Variants in CAD observed in about 807,000 individuals in gnomAD.
The protein encoded by CAD is multifunctional protein CAD.
In CAD, 81 loss-of-function variants were observed where a neutral mutation model predicts 237.2. The observed-to-expected ratio is 0.34, with a 90% CI of 0.29 to 0.41. The LOEUF is 0.41. Among genes scored for constraint, CAD ranks in the 10% least tolerant of loss-of-function variants. The pLI is 1.00. For missense variants in CAD, 2,181 were observed against 2,951.7 expected (o/e 0.74, Z 6.05); for synonymous variants, 1,196 against 1,162.8 (o/e 1.03, Z -0.58).
chr2:27,239,589 G>T lies in CAD; in HGVS notation c.5395-108G>T. On this transcript the variant is annotated intron_variant, in intron 33 of 43. Transcript: ENST00000264705. This position sits in a 1 kb window ranked among gnomAD's most constrained non-coding sequence, Gnocchi z 4.0. ...TGTGCACCACTGCCCTGGACCAGGG[G>T]TTGGGGGCACAGCTCCCCCAAGGTG... 6 of 1,502,976 alleles carry T rather than the reference G, an allele frequency of 4.0e-6. No homozygotes were observed. Among genetic ancestry groups the T allele is most frequent in the Non-Finnish European group, 5.5e-6 (6 of 1,094,824 alleles). The allele number at this position is 1,502,976 out of a possible 1,614,324, so 93.1% of individuals were successfully genotyped here.
At position 27,242,467 on chromosome 2, in the gene CAD, G is replaced by C. The variant is rs761440010; in HGVS notation, c.6222+40G>C. 1.2e-6 allele frequency: 2 copies of C among 1,600,668 alleles called. No individual in the cohort carries two copies. Among genetic ancestry groups the C allele is most frequent in the Non-Finnish European group, 1.7e-6 (2 of 1,171,184 alleles). ...AGGGTTTGGATCCCTGCCAGGGGACGATCTAGAGAGGGAGGCAGGAAGTGG... is the reference window on the plus strand; with the variant it reads ...AGGGTTTGGATCCCTGCCAGGGGACCATCTAGAGAGGGAGGCAGGAAGTGG... On this transcript the variant is annotated intron_variant, in intron 40 of 43. Transcript: ENST00000264705. This position sits in a 1 kb window ranked among gnomAD's most constrained non-coding sequence, Gnocchi z 6.4.
intron 11 of CAD, 65 bp downstream of exon 11, chr2:27,225,308 T>TTTC (rs1675384730): frequency 2.2e-6 from 2 of 905,834 alleles, no homozygotes; most frequent in Non-Finnish European, 3.2e-6. Flanking sequence ...ATTTTCTTTT[T>TTTC]TTTTTTTTTT....
In CAD at chr2:27,234,209, C is replaced by T; in HGVS notation, c.3601C>T (p.Leu1201=). 1.2e-6 allele frequency: 2 copies of T among 1,614,122 alleles called. No individual in the cohort carries two copies. The highest frequency in any genetic ancestry group is 1.7e-6 in the Non-Finnish European group (2 of 1,179,942). The part of the protein sequence containing the change: ...QELQVTGPFN[L]QLIAKDDQLK... ...GCTACAGGTCACAGGACCCTTCAATCTGCAGCTCATTGCCAAGGTAATAAG... is the reference window on the plus strand; with the variant it reads ...GCTACAGGTCACAGGACCCTTCAATTTGCAGCTCATTGCCAAGGTAATAAG... The change falls in exon 22 of 44, where the codon CTG becomes TTG. Residue 1201 remains leucine (L), a synonymous_variant. Coordinates refer to ENST00000264705, the MANE Select transcript of CAD (RefSeq NM_004341.5).
Position 27,235,453 on chromosome 2 carries a change from G to A in CAD, c.3969+26G>A, listed in dbSNP as rs757288886. On this transcript the variant is annotated intron_variant, in intron 24 of 43. Transcript: ENST00000264705. The surrounding 1 kb of genome is among the most constrained non-coding windows in gnomAD (Gnocchi z 5.2). ...GTATCAGAATCCAGGAGGGCTTCCC[G>A]AGGGCCGTGGCTCCCTGGGCCAGGG... 15 of 1,607,996 alleles carry A rather than the reference G, an allele frequency of 9.3e-6. No homozygotes were observed. In the East Asian group the frequency reaches 1.1e-4, roughly 12 times the overall value.
At position 27,237,225 on chromosome 2, in the gene CAD, T is replaced by C. The variant is rs1558541049; in HGVS notation, c.4397-154T>C. On this transcript the variant is annotated intron_variant, in intron 27 of 43. Coordinates refer to ENST00000264705, the MANE Select transcript of CAD (RefSeq NM_004341.5). The surrounding 1 kb of genome is among the most constrained non-coding windows in gnomAD (Gnocchi z 4.0). ...TTTTAGTAGAGACGGGGTTTCACCA[T>C]GTTGGTCAGGTTGGTCTCGAACTCC... Among the ~76,000 whole-genome samples the C allele has an allele frequency of 6.6e-6, 1 of 152,094 alleles. No individual in the cohort carries two copies. The highest frequency in any genetic ancestry group is 1.9e-4 in the East Asian group (1 of 5,178).
In CAD at chr2:27,237,714, C is replaced by G; in HGVS notation, c.4564-4C>G. 6.2e-7 allele frequency: 1 copy of G among 1,611,228 alleles called. No homozygotes were observed. ...TGAGCCTTACCTCTGTGTATCCTCT[C>G]CAGCTGGCAGAGGCTGGCGCCCGGT... On this transcript the variant is annotated splice_polypyrimidine_tract_variant and splice_region_variant and intron_variant, in intron 28 of 43. Coordinates refer to ENST00000264705, the MANE Select transcript of CAD (RefSeq NM_004341.5). The surrounding 1 kb of genome is among the most constrained non-coding windows in gnomAD (Gnocchi z 4.0).
chr2:27,232,632 C>T lies in CAD; in HGVS notation c.2830C>T (p.Arg944Cys), dbSNP rs1675815614. 3 of 1,614,172 alleles carry T rather than the reference C, an allele frequency of 1.9e-6. No homozygotes were observed. The highest frequency in any genetic ancestry group is 1.7e-5 in the Admixed American group (1 of 60,030). ...HVLVLGSGVY[R>C]IGSSVEFDWC... ...CCTAGTCCTTGGCTCTGGCGTCTAC[C>T]GTATTGGCTCTAGCGTTGAATTTGA... The change falls in exon 18 of 44, where the codon CGT (arginine) becomes TGT (cysteine). Residue 944 changes from arginine (R) to cysteine (C), a missense_variant. Transcript: ENST00000264705. This position sits in a 1 kb window ranked among gnomAD's most constrained non-coding sequence, Gnocchi z 4.1.
intron 2 of CAD, among the ~76,000 whole-genome samples, chr2:27,218,624 C>T (rs1558525037): frequency 6.6e-6 from 1 of 152,128 alleles, no homozygotes; most frequent in Admixed American, 6.5e-5. Context: ...GACATGGCCT[C>T]GTCTGATTCT....
Position 27,234,625 on chromosome 2 carries a change from C to G in CAD, c.3726C>G (p.Ile1242Met), listed in dbSNP as rs773059833. 1 of 1,614,070 alleles carries G rather than the reference C, an allele frequency of 6.2e-7. No homozygotes were observed. Among genetic ancestry groups the G allele is most frequent in the Non-Finnish European group, 8.5e-7 (1 of 1,179,964 alleles). The change falls in exon 23 of 44, where the codon ATC becomes ATG. Residue 1242 changes from isoleucine to methionine, a missense_variant. Ile to Met is a conservative substitution (Grantham distance 10). Transcript: ENST00000264705. Reference protein sequence around the residue: ...VDLVALATRVIMGEEVEPVGL... With the variant: ...VDLVALATRVMMGEEVEPVGL... ...TAGTAGCCTTGGCCACGCGGGTCAT[C>G]ATGGGGGAAGAAGTGGAACCTGTGG...
rs1676135808 is a variant in CAD, at chr2:27,238,514, T to C, written c.4944T>C (p.Asp1648=). The C allele has an allele frequency of 6.2e-7, 1 of 1,613,692 alleles. No individual in the cohort carries two copies. Among genetic ancestry groups the C allele is most frequent in the African/African-American group, 1.3e-5 (1 of 75,062 alleles). ...CCCACCACCTGTTCCTAAGCCATGA[T>C]GACCTGGAGCGCCTGGGGCCTGGGA... The part of the protein sequence containing the change: ...VAPHHLFLSH[D]DLERLGPGKG... Residue 1648 remains aspartate, a synonymous_variant, in exon 31 of 44, where the codon GAT becomes GAC. Transcript: ENST00000264705.
At position 27,220,219 on chromosome 2, in the gene CAD, ACATATT is replaced by A. The variant is rs1675088279; in HGVS notation, c.223-995_223-990del. Among the ~76,000 whole-genome samples, 3 of 152,216 alleles carry A rather than the reference ACATATT, an allele frequency of 2.0e-5. 1 individual carries two copies. Among genetic ancestry groups the A allele is most frequent in the Non-Finnish European group, 4.4e-5 (3 of 68,046 alleles). On this transcript the variant is annotated intron_variant, in intron 2 of 43. Coordinates refer to ENST00000264705, the MANE Select transcript of CAD (RefSeq NM_004341.5). The stretch of plus-strand genomic sequence containing the variant: ...TCTGTTTCGTGACAAAGACACAAAT[ACATATT>A]CATCATATGACGTAAATAGCAAGAG...
At position 27,243,609 on chromosome 2, in the gene CAD, C is replaced by G. The variant is rs1182919124; in HGVS notation, c.*91C>G. On this transcript the variant is annotated 3_prime_UTR_variant, in exon 44 of 44. Transcript: ENST00000264705. ...ACGGGGGCAGCACACTTAGATATTC[C>G]TGGACATCCAGATAGCTCACATGTG... is the stretch of plus-strand genomic sequence containing the variant. 4 of 975,810 alleles carry G rather than the reference C, an allele frequency of 4.1e-6. No homozygotes were observed. In the African/African-American group the frequency reaches 6.5e-5, roughly 16 times the overall value. 60.4% of individuals were successfully genotyped at this position (975,810 alleles called of 1,614,324 possible).
rs149723808 is a variant in CAD at position 27,237,017 on chromosome 2, A to ATT, written c.4396+208_4396+209dup. 7.1e-3 allele frequency among the ~76,000 whole-genome samples: 901 copies of ATT among 126,460 alleles called. 33 individuals carry two copies. The highest frequency in any genetic ancestry group is 0.026 in the African/African-American group (789 of 30,754). 83.0% of individuals were successfully genotyped at this position (126,460 alleles called of 152,430 possible). A position where few individuals can be genotyped will look rare whatever the true frequency, so the allele number is the denominator to read the frequency against. ...TGTCCACAGTGGCCTTGTCTGAGGA[A>ATT]TTTTTTTTTTTTTTTTTTTTTTGAG... On this transcript the variant is annotated intron_variant, in intron 27 of 43. Transcript: ENST00000264705. The surrounding 1 kb of genome is among the most constrained non-coding windows in gnomAD (Gnocchi z 4.0).
At chr2:27,227,016 T>A (rs201013081) in intron 15 of CAD, 54 bp downstream of exon 15, 239 of 1,549,480 alleles carry the variant, frequency 1.5e-4, no homozygotes, top group Non-Finnish European at 1.1e-4. Flanking sequence ...CCAAGAATCT[T>A]AAATGTCAAG....
rs1236349081 is a variant in CAD at position 27,234,431 on chromosome 2, C to G, written c.3619-87C>G. 3 of 1,368,756 alleles carry G rather than the reference C, an allele frequency of 2.2e-6. No homozygotes were observed. The Admixed American group carries it at 5.3e-5, about 24-fold the overall frequency. The allele number at this position is 1,368,756 out of a possible 1,614,324, so 84.8% of individuals were successfully genotyped here. ...CCCTGCTCAGTCTGATCCCCCAGAG[C>G]TGAGGACGGAGAGGAAGAGTCTAGG... On this transcript the variant is annotated intron_variant, in intron 22 of 43. Transcript: ENST00000264705.
chr2:27,228,345 C>T (rs1367374532), intron 15 of CAD, among the ~76,000 whole-genome samples: 1 of 152,176 alleles, frequency 6.6e-6, no homozygotes, highest in East Asian at 1.9e-4. Context: ...TAAAGTTATT[C>T]GTACTCATCA....
At position 27,236,039 on chromosome 2, in the gene CAD, C is replaced by G. The variant is rs1675986585; in HGVS notation, c.4075-245C>G. On this transcript the variant is annotated intron_variant, in intron 25 of 43. Coordinates refer to ENST00000264705, the MANE Select transcript of CAD (RefSeq NM_004341.5). This position sits in a 1 kb window ranked among gnomAD's most constrained non-coding sequence, Gnocchi z 4.1. ...CTGATATTTTTCCTTCCAGGATTTT[C>G]TCTGTGTACATGTGTGTGAGCTCAT... 6.6e-6 allele frequency among the ~76,000 whole-genome samples: 1 copy of G among 152,158 alleles called. No individual in the cohort carries two copies. The highest frequency in any genetic ancestry group is 1.5e-5 in the Non-Finnish European group (1 of 68,020).
intron 2 of CAD, among the ~76,000 whole-genome samples, chr2:27,220,266 A>G (rs1675090464): frequency 6.6e-6 from 1 of 152,228 alleles, no homozygotes; most frequent in African/African-American, 2.4e-5. Context: ...ATAAAGTATT[A>G]AAACAGCTCT....
Position 27,222,983 on chromosome 2 carries a change from G to A in CAD, c.755G>A (p.Cys252Tyr). The change falls in exon 6 of 44, where the codon TGC becomes TAC. Residue 252 changes from cysteine to tyrosine, a missense_variant. Physicochemically the swap from Cys to Tyr is radical, Grantham distance 194. This residue lies in a region of CAD where 314 missense variants were observed against 339.4 expected (regional missense o/e 0.93). Transcript: ENST00000264705. ...EPNPRPVFGICLGHQLLALAI... is the reference protein window; with the variant it reads ...EPNPRPVFGIYLGHQLLALAI... ...AATCCCCGACCTGTCTTTGGGATCT[G>A]CCTGGGACACCAGCTATTGGCCTTA... 6.2e-7 allele frequency: 1 copy of A among 1,614,178 alleles called. No individual in the cohort carries two copies. Among genetic ancestry groups the A allele is most frequent in the Non-Finnish European group, 8.5e-7 (1 of 1,180,028 alleles).
Sources: allele counts gnomAD v4.1 joint callset (sites outside exome capture counted in the v4.1 genomes callset), GRCh38; gene constraint gnomAD v4.1.1; regional missense constraint gnomAD v4.1.1; non-coding constraint Gnocchi (gnomAD v3.1); transcripts MANE v1.5; gene names NCBI Gene and HGNC (gene_info 2026-07-23, HGNC 2026-07-21).